The following PRAMEF15 variants were observed in gnomAD, a reference collection of about 807,000 sequenced individuals.
PRAMEF15 encodes PRAME family member 15.
A neutral mutation model predicts 35.3 loss-of-function variants in PRAMEF15; 21 were observed. The observed-to-expected ratio is 0.59, with a 90% CI of 0.42 to 0.86. The LOEUF (loss-of-function observed/expected upper bound fraction) is 0.86. PRAMEF15 is among the 40% of genes least tolerant of loss of function. The pLI is 0.00. For synonymous variants in PRAMEF15, 122 were observed against 223.3 expected (o/e 0.55, Z 4.05); for missense variants, 360 against 574.1 (o/e 0.63, Z 3.81).
intron 2 of PRAMEF15, 38 bp from the exon 3 acceptor site, chr1:13,319,334 G>C: frequency 2.5e-6 from 4 of 1,606,044 alleles, no homozygotes; most frequent in African/African-American, 1.3e-5. Flanking sequence ...TCAGAAATGA[G>C]TTCTTAAATT....
At position 13,321,999 on chromosome 1, in the gene PRAMEF15, C is replaced by T. The variant is rs1485250520; in HGVS notation, c.1172C>T (p.Pro391Leu). ...ELNTFSFCGN[P>L]ICMATLENLL... is the part of the protein sequence containing the mutation. ...AACACCTTCAGCTTCTGTGGAAATC[C>T]CATCTGCATGGCCACCCTGGAGAAC... is the stretch of plus-strand genomic sequence containing the variant. The change falls in exon 4 of 4, where the codon CCC becomes CTC. Residue 391 changes from proline to leucine, a missense_variant. Coordinates refer to ENST00000376152, the MANE Select transcript of PRAMEF15 (RefSeq NM_001098376.3). 7 of 1,609,504 alleles carry T rather than the reference C, an allele frequency of 4.3e-6. No individual in the cohort carries two copies. The African/African-American group carries it at 8.0e-5, about 18-fold the overall frequency.
Position 13,319,938 on chromosome 1 carries a change from T to G in PRAMEF15, c.860T>G (p.Leu287Arg). 1.9e-6 allele frequency: 3 copies of G among 1,611,228 alleles called. No homozygotes were observed. The highest frequency in any genetic ancestry group is 2.5e-6 in the Non-Finnish European group (3 of 1,179,848). ...MNSVSFLEGH[L>R]DQLLSCLKTS... ...TCTGTTTCTTTCCTCGAAGGCCACC[T>G]GGACCAGCTGCTCAGGTGAGGGAGG... The change falls in exon 3 of 4, where the codon CTG becomes CGG. Residue 287 changes from leucine (L) to arginine (R), a missense_variant. Transcript: ENST00000376152.
chr1:13,322,040 A>T lies in PRAMEF15; in HGVS notation c.1213A>T (p.Ile405Phe), dbSNP rs1200835434. The T allele has an allele frequency of 6.2e-7, 1 of 1,609,732 alleles. No individual in the cohort carries two copies. Among genetic ancestry groups the T allele is most frequent in the Non-Finnish European group, 8.5e-7 (1 of 1,178,930 alleles). ...ATLENLLSHT[I>F]ILKNLCVELY... is the part of the protein sequence containing the mutation. ...CCTGGAGAACCTGCTGAGCCACACA[A>T]TCATACTCAAAAACTTATGTGTGGA... Residue 405 changes from isoleucine to phenylalanine, a missense_variant, in exon 4 of 4, where the codon ATC becomes TTC. Around this residue, in one of 8 missense-constraint regions of PRAMEF15, gnomAD observed 147 missense variants for 123.5 expected, o/e 1.19. Transcript: ENST00000376152.
intron 3 of PRAMEF15, among the ~76,000 whole-genome samples, chr1:13,320,511 C>T (rs1442321599): frequency 0.045 from 6,750 of 151,310 alleles, 2 homozygotes; most frequent in East Asian, 0.23. Flanking sequence ...GCGACTTCTG[C>T]CTCCCAGGTT....
rs76006611 is a variant in PRAMEF15, at chr1:13,321,977, A to G, written c.1150A>G (p.Thr384Ala). ...PALSRCFELNTFSFCGNPICM... is the reference protein window; with the variant it reads ...PALSRCFELNAFSFCGNPICM... Reference sequence around the variant, plus strand: ...CCTGAGCCGCTGCTTTGAGCTCAACACCTTCAGCTTCTGTGGAAATCCCAT... The same window carrying G: ...CCTGAGCCGCTGCTTTGAGCTCAACGCCTTCAGCTTCTGTGGAAATCCCAT... The change falls in exon 4 of 4, where the codon ACC becomes GCC. Residue 384 changes from threonine to alanine, a missense_variant. Thr to Ala is a moderately conservative substitution (Grantham distance 58). Transcript: ENST00000376152. The G allele has an allele frequency of 4.6e-5, 74 of 1,610,434 alleles. 2 individuals carry two copies. The highest frequency in any genetic ancestry group is 2.2e-4 in the Middle Eastern group (1 of 4,506).
intron 3 of PRAMEF15, among the ~76,000 whole-genome samples, chr1:13,321,186 G>A (rs1553123601): frequency 3.5e-4 from 51 of 147,538 alleles, no homozygotes; most frequent in African/African-American, 7.1e-4. Context: ...TGATGGTGAA[G>A]TGACTCAGCC....
intron 1 of PRAMEF15, among the ~76,000 whole-genome samples, chr1:13,316,226 A>G (rs1269859367): frequency 6.6e-6 from 1 of 151,646 alleles, no homozygotes; most frequent in African/African-American, 2.4e-5. Context: ...TTGGTCTCGA[A>G]CACCTGACCT....
In PRAMEF15 at chr1:13,318,472, A is replaced by G; in HGVS notation, c.65A>G (p.Asp22Gly). ...LELAGRSLLRDQALAMSTLEE... is the reference protein window; with the variant it reads ...LELAGRSLLRGQALAMSTLEE... Reference sequence around the variant, plus strand: ...CTTGCAGGGCGGAGCCTGCTGAGGGACCAAGCTTTGGCCATGTCCACCCTG... The same window carrying G: ...CTTGCAGGGCGGAGCCTGCTGAGGGGCCAAGCTTTGGCCATGTCCACCCTG... The change falls in exon 2 of 4, where the codon GAC becomes GGC. Residue 22 changes from aspartate to glycine, a missense_variant. Physicochemically the swap from Asp to Gly is moderately conservative, Grantham distance 94. Around this residue, in one of 8 missense-constraint regions of PRAMEF15, gnomAD observed 31 missense variants for 46.4 expected, o/e 0.67. Transcript: ENST00000376152. The G allele has an allele frequency of 6.2e-7, 1 of 1,614,066 alleles. No homozygotes were observed. Among genetic ancestry groups the G allele is most frequent in the Non-Finnish European group, 8.5e-7 (1 of 1,180,020 alleles).
Position 13,316,861 on chromosome 1 carries a change from C to A in PRAMEF15, c.-17+1203C>A, listed in dbSNP as rs1259908276. ...GTCTAATATCAGGAAGAGATTCAAC[C>A]CTTCCCTGTCTCACACTCAGGACTT... On this transcript the variant is annotated intron_variant, in intron 1 of 3. Coordinates refer to ENST00000376152, the MANE Select transcript of PRAMEF15 (RefSeq NM_001098376.3). Among the ~76,000 whole-genome samples the A allele has an allele frequency of 9.9e-5, 15 of 151,174 alleles. No individual in the cohort carries two copies. In the East Asian group the frequency reaches 2.7e-3, roughly 27 times the overall value.
At chr1:13,319,006 C>G (rs1222244440) in intron 2 of PRAMEF15, among the ~76,000 whole-genome samples, 1 of 151,884 alleles carries the variant, frequency 6.6e-6, no homozygotes, top group African/African-American at 2.4e-5. Flanking sequence ...GCCAGCCTGT[C>G]CAACATGGTA....
chr1:13,322,232 T>C lies in PRAMEF15; in HGVS notation c.1405T>C (p.Tyr469His). The C allele has an allele frequency of 6.2e-7, 1 of 1,601,756 alleles. No homozygotes were observed. Among genetic ancestry groups the C allele is most frequent in the Non-Finnish European group, 8.5e-7 (1 of 1,173,994 alleles). The stretch of plus-strand genomic sequence containing the variant: ...CCCTGACTGTGGCAACAGGTCATTT[T>C]ATGACCTGGAGGCAGATCAATACTG... ...YCPDCGNRSF[Y>H]DLEADQYCC The change falls in exon 4 of 4, where the codon TAT (tyrosine) becomes CAT (histidine). Residue 469 changes from tyrosine (Y) to histidine (H), a missense_variant. Coordinates refer to ENST00000376152, the MANE Select transcript of PRAMEF15 (RefSeq NM_001098376.3).
Position 13,319,388 on chromosome 1 carries a change from G to C in PRAMEF15, c.310G>C (p.Val104Leu). ...TTGCCACAGGAGGTGGAAACTCCAA[G>C]TGCTGGATTTACAGGATGTCTGTGA... ...GVRPRRWKLQ[V>L]LDLQDVCENF... Residue 104 changes from valine to leucine, a missense_variant, in exon 3 of 4, where the codon GTG becomes CTG. By Grantham distance (32) the Val-to-Leu change is conservative. Around this residue, in one of 8 missense-constraint regions of PRAMEF15, gnomAD observed 44 missense variants for 25.9 expected, o/e 1.70. Transcript: ENST00000376152. The C allele has an allele frequency of 1.2e-6, 2 of 1,611,406 alleles. No individual in the cohort carries two copies. The highest frequency in any genetic ancestry group is 1.7e-6 in the Non-Finnish European group (2 of 1,179,818).
chr1:13,317,538 G>C (rs1192177302), intron 1 of PRAMEF15, among the ~76,000 whole-genome samples: 2 of 151,986 alleles, frequency 1.3e-5, no homozygotes, highest in East Asian at 1.9e-4. Flanking sequence ...GAGGCCAAGA[G>C]GGGTAGATTG....
chr1:13,316,345 A>C (rs1382806501), intron 1 of PRAMEF15, among the ~76,000 whole-genome samples: 1 of 151,584 alleles, frequency 6.6e-6, no homozygotes, highest in Non-Finnish European at 1.5e-5. Context: ...GAATCACTTG[A>C]GCACAGAAGA....
rs1640088533 is a variant in PRAMEF15, at chr1:13,321,865, C to T, written c.1038C>T (p.Leu346=). The T allele has an allele frequency of 1.9e-6, 3 of 1,608,550 alleles. 1 individual carries two copies. The highest frequency in any genetic ancestry group is 2.5e-6 in the Non-Finnish European group (3 of 1,177,550). Reference sequence around the variant, plus strand: ...ATAGTCTTGTGCCTCTCCAAATTCTCCTAGAAAAAGTTGCAGCCACCCTTG... The same window carrying T: ...ATAGTCTTGTGCCTCTCCAAATTCTTCTAGAAAAAGTTGCAGCCACCCTTG... ...TNYSLVPLQI[L]LEKVAATLEY... The change falls in exon 4 of 4, where the codon CTC becomes CTT. Residue 346 remains leucine, a synonymous_variant. Coordinates refer to ENST00000376152, the MANE Select transcript of PRAMEF15 (RefSeq NM_001098376.3).
intron 2 of PRAMEF15, among the ~76,000 whole-genome samples, 176 bp from the exon 3 acceptor site, chr1:13,319,196 A>T (rs1640047410): frequency 7.3e-6 from 1 of 136,968 alleles, no homozygotes; most frequent in South Asian, 2.4e-4. Context: ...TTGGTCTCAA[A>T]AAAAAAAAAA....
intron 1 of PRAMEF15, among the ~76,000 whole-genome samples, chr1:13,317,598 T>G (rs1326899408): frequency 6.6e-6 from 1 of 151,884 alleles, no homozygotes; most frequent in African/African-American, 2.4e-5. Context: ...CGAAATCCAC[T>G]GTCTTTACAA....
intron 1 of PRAMEF15, among the ~76,000 whole-genome samples, chr1:13,316,231 T>G (rs1436579001): frequency 6.6e-6 from 1 of 151,650 alleles, no homozygotes; most frequent in African/African-American, 2.4e-5. Context: ...CTCGAACACC[T>G]GACCTCAAGT....
chr1:13,318,339 G>C lies in PRAMEF15; in HGVS notation c.-16-53G>C, dbSNP rs1459917433. ...TTTGGCCATAGGAGAAGATGAGATT[G>C]CATGGGCTTGGCCTGAGAGTGATGC... On this transcript the variant is annotated intron_variant, in intron 1 of 3. Coordinates refer to ENST00000376152, the MANE Select transcript of PRAMEF15 (RefSeq NM_001098376.3). The C allele has an allele frequency of 6.4e-6, 10 of 1,567,768 alleles. No homozygotes were observed. In the African/African-American group the frequency reaches 8.2e-5, roughly 13 times the overall value.
Sources: gnomAD v4.1 joint callset for allele counts (sites outside exome capture counted in the v4.1 genomes callset) on GRCh38, gnomAD v4.1.1 for gene constraint, gnomAD v4.1.1 regional missense constraint, MANE v1.5 for transcripts, NCBI Gene and HGNC (gene_info 2026-07-23, HGNC 2026-07-21) for gene names.